Variants in EXOC5 observed in about 807,000 individuals in gnomAD.
EXOC5 encodes the protein SEC10-like 1.
EXOC5 carries 17 observed loss-of-function variants against 90.8 expected under a neutral mutation model. The ratio of observed to expected loss-of-function variants is 0.19; its 90% CI spans 0.13 to 0.28. The LOEUF (loss-of-function observed/expected upper bound fraction) is 0.28, where lower values mean the gene tolerates loss of function less well. Among genes scored for constraint, EXOC5 ranks in the 10% least tolerant of loss-of-function variants. The pLI is 1.00. For missense variants in EXOC5, 569 were observed against 830.6 expected (o/e 0.69, Z 3.87); for synonymous variants, 260 against 270.0 (o/e 0.96, Z 0.36).
rs986664720 is a variant in EXOC5, at chr14:57,208,341, T to C, written c.*268A>G. ...TTTCTAGGATAAAAACAGTGACATG[T>C]AGTTTTAGAGAATCTGAAATTTCTA... is the stretch of plus-strand genomic sequence containing the variant. On this transcript the variant is annotated 3_prime_UTR_variant, in exon 18 of 18. Transcript: ENST00000621441. 2.6e-5 allele frequency: 8 copies of C among 302,070 alleles called. No individual in the cohort carries two copies. Among genetic ancestry groups the C allele is most frequent in the African/African-American group, 1.3e-4 (6 of 46,858 alleles). The allele number at this position is 302,070 out of a possible 1,614,324, so 18.7% of individuals were successfully genotyped here. A position where few individuals can be genotyped will look rare whatever the true frequency, so the allele number is the denominator to read the frequency against.
Position 57,231,695 on chromosome 14 carries a change from T to C in EXOC5, c.959A>G (p.Lys320Arg). The change falls in exon 11 of 18, where the codon AAG (lysine) becomes AGG (arginine). Residue 320 changes from lysine (K) to arginine (R), a missense_variant. Transcript: ENST00000621441. ...LYTRTTNLSS[K>R]LMEFNLGTDK... ...AGTACCTAAATTAAACTCCATCAGC[T>C]TGCTGGAAAGATTGGTGGTTCTTTT... is the stretch of plus-strand genomic sequence containing the variant. The C allele has an allele frequency of 6.2e-7, 1 of 1,606,180 alleles. No individual in the cohort carries two copies. The highest frequency in any genetic ancestry group is 8.5e-7 in the Non-Finnish European group (1 of 1,176,672).
At chr14:57,264,139 C>A (rs1045400540) in intron 1 of EXOC5, among the ~76,000 whole-genome samples, 1 of 152,184 alleles carries the variant, frequency 6.6e-6, no homozygotes, top group Admixed American at 6.5e-5. Flanking sequence ...TCAACGTTTG[C>A]AGAATGAATA....
chr14:57,209,536 T>C, intron 17 of EXOC5, 31 bp downstream of exon 17: 3 of 1,287,608 alleles, frequency 2.3e-6, no homozygotes, highest in Non-Finnish European at 3.3e-6. Flanking sequence ...CTGGGCCTAT[T>C]TGCAAGTTTG....
rs749047122 is a variant in EXOC5 at position 57,268,688 on chromosome 14, C to T, written c.-40G>A. The T allele has an allele frequency of 1.7e-5, 27 of 1,567,290 alleles. No homozygotes were observed. The highest frequency in any genetic ancestry group is 2.3e-5 in the Non-Finnish European group (27 of 1,166,150). ...AGGCTCGCCCCCCACTGGATGCCGT[C>T]TCCGCTTCACATGCTGCGCCTCAGA... On this transcript the variant is annotated 5_prime_UTR_variant, in exon 1 of 18. Transcript: ENST00000621441.
At chr14:57,238,910 T>C (rs1883765402) in intron 5 of EXOC5, among the ~76,000 whole-genome samples, 1 of 152,106 alleles carries the variant, frequency 6.6e-6, no homozygotes, top group Non-Finnish European at 1.5e-5. Context: ...ATGGAGGAAG[T>C]ACTATTTTAC....
intron 1 of EXOC5, among the ~76,000 whole-genome samples, chr14:57,264,631 T>C (rs1884615694): frequency 6.6e-6 from 1 of 152,216 alleles, no homozygotes; most frequent in Admixed American, 6.5e-5. Flanking sequence ...AATGCTCCCC[T>C]TATCTCCAGG....
At chr14:57,232,635 T>C in intron 10 of EXOC5, 32 bp downstream of exon 10, 1 of 922,112 alleles carries the variant, frequency 1.1e-6, no homozygotes. Context: ...AAAAATCTGT[T>C]ATCTATTATT....
At chr14:57,210,107 C>A in intron 15 of EXOC5, 46 bp from the exon 16 acceptor site, 1 of 768,052 alleles carries the variant, frequency 1.3e-6, no homozygotes. Flanking sequence ...CTAACTTACT[C>A]TATGTTTATG....
At chr14:57,266,058 TTAACA>T (rs1884661358) in intron 1 of EXOC5, among the ~76,000 whole-genome samples, 3 of 152,214 alleles carry the variant, frequency 2.0e-5, no homozygotes, top group Non-Finnish European at 2.9e-5. Flanking sequence ...AGAAGCAGAG[TTAACA>T]TAATGAAATG....
At chr14:57,241,297 G>T (rs967339124) in intron 4 of EXOC5, among the ~76,000 whole-genome samples, 1 of 152,122 alleles carries the variant, frequency 6.6e-6, no homozygotes, top group African/African-American at 2.4e-5. Context: ...TAGTCAGCAG[G>T]TCACTATCAT....
intron 2 of EXOC5, 126 bp downstream of exon 2, chr14:57,247,492 T>C (rs1302463699): frequency 4.2e-6 from 2 of 472,022 alleles, no homozygotes; most frequent in Non-Finnish European, 7.6e-6. Context: ...GTATTGTCTT[T>C]TATTGGCCAA....
chr14:57,249,289 G>C (rs1165253315), intron 1 of EXOC5, among the ~76,000 whole-genome samples: 1 of 151,966 alleles, frequency 6.6e-6, no homozygotes, highest in Admixed American at 6.6e-5. Context: ...ACTTCATATA[G>C]TAATCATATC....
At chr14:57,265,545 A>C (rs1224468836) in intron 1 of EXOC5, among the ~76,000 whole-genome samples, 2 of 152,078 alleles carry the variant, frequency 1.3e-5, no homozygotes, top group African/African-American at 4.8e-5. Context: ...CAACATGGTA[A>C]AACCTTATTT....
intron 5 of EXOC5, 140 bp from the exon 6 acceptor site, chr14:57,237,506 C>CA: frequency 1.8e-6 from 1 of 546,112 alleles, no homozygotes; most frequent in South Asian, 2.7e-5. Context: ...TCTGTAAATC[C>CA]AAAACCATTA....
At chr14:57,227,110 ACGAT>A (rs1265516537) in intron 12 of EXOC5, among the ~76,000 whole-genome samples, 2 of 152,216 alleles carry the variant, frequency 1.3e-5, no homozygotes, top group African/African-American at 4.8e-5. Context: ...AATAAAACAC[ACGAT>A]TGATTTAAAA....
At chr14:57,217,847 T>C in intron 15 of EXOC5, 135 bp downstream of exon 15, 1 of 638,496 alleles carries the variant, frequency 1.6e-6, no homozygotes, top group Non-Finnish European at 2.8e-6. Context: ...AGGCAATATG[T>C]AAAAATAAAA....
intron 12 of EXOC5, among the ~76,000 whole-genome samples, chr14:57,222,897 T>G (rs1883196522): frequency 6.6e-6 from 1 of 151,904 alleles, no homozygotes; most frequent in South Asian, 2.1e-4. Context: ...CAAAGAACAG[T>G]CTAGTAAAAC....
At chr14:57,235,638 A>G (rs1385758376) in intron 7 of EXOC5, 73 bp downstream of exon 7, 1 of 736,060 alleles carries the variant, frequency 1.4e-6, no homozygotes, top group Admixed American at 2.3e-5. Context: ...GGGAAATCAG[A>G]GACTATAATA....
At chr14:57,268,238 T>G (rs766372546) in intron 1 of EXOC5, 7 of 311,108 alleles carry the variant, frequency 2.3e-5, no homozygotes, top group Non-Finnish European at 4.2e-5. Context: ...GCGACAAGAC[T>G]CGCCCAACCT....
Sources: gnomAD v4.1 joint callset for allele counts (sites outside exome capture counted in the v4.1 genomes callset) on GRCh38, gnomAD v4.1.1 for gene constraint, MANE v1.5 for transcripts, NCBI Gene and HGNC (gene_info 2026-07-23, HGNC 2026-07-21) for gene names.